The following AP1S3 variants were observed in gnomAD, a reference collection of about 807,000 sequenced individuals.
AP1S3 encodes adaptor related protein complex 1 subunit sigma 3.
Under a neutral mutation model 20.9 loss-of-function variants are expected in AP1S3, and 10 were observed. The observed-to-expected ratio is 0.48, with a 90% CI of 0.29 to 0.81. The LOEUF (loss-of-function observed/expected upper bound fraction) is 0.81. AP1S3 is among the 30% of genes least tolerant of loss of function. The probability of loss-of-function intolerance (pLI) is 0.08; values close to 1 mark genes in which losing one functional copy is unlikely to be tolerated. For missense variants in AP1S3, 154 were observed against 183.8 expected (o/e 0.84, Z 0.94); for synonymous variants, 41 against 61.5 (o/e 0.67, Z 1.56).
chr2:223,804,606 C>A (rs1056977979), intron 1 of AP1S3, among the ~76,000 whole-genome samples: 2 of 151,816 alleles, frequency 1.3e-5, no homozygotes, highest in Non-Finnish European at 2.9e-5. Flanking sequence ...ACTCAGGAGT[C>A]TAAGGCAGGA....
intron 1 of AP1S3, among the ~76,000 whole-genome samples, chr2:223,799,208 G>GACACACACACACACAC (rs10527751): frequency 5.5e-5 from 8 of 145,896 alleles, no homozygotes; most frequent in East Asian, 4.1e-4. Context: ...TTCGGGCCTA[G>GACACACACACACACAC]ACACACACAC....
At chr2:223,805,336 G>A (rs1420843006) in intron 1 of AP1S3, among the ~76,000 whole-genome samples, 4 of 152,116 alleles carry the variant, frequency 2.6e-5, no homozygotes, top group Non-Finnish European at 4.4e-5. Flanking sequence ...CTGGCTACTC[G>A]GGAGCCAGAG....
At chr2:223,833,882 T>TTTTATTTATTTATTTATTTA (rs71408596) in intron 1 of AP1S3, among the ~76,000 whole-genome samples, 8 of 145,940 alleles carry the variant, frequency 5.5e-5, no homozygotes, top group African/African-American at 1.5e-4. Context: ...TTTACACTCT[T>TTTTATTTATTTATTTATTTA]TTTATTTATT....
chr2:223,758,837 T>C, intron 4 of AP1S3, 87 bp from the exon 5 acceptor site: 1 of 1,181,880 alleles, frequency 8.5e-7, no homozygotes, highest in Non-Finnish European at 1.2e-6. Flanking sequence ...CTTTTATTTA[T>C]TTGCCATTGT....
chr2:223,776,969 C>T lies in AP1S3; in HGVS notation c.182+722G>A, dbSNP rs1468468411. Among the ~76,000 whole-genome samples, 3 of 152,232 alleles carry T rather than the reference C, an allele frequency of 2.0e-5. No individual in the cohort carries two copies. In the South Asian group the frequency reaches 6.2e-4, roughly 31 times the overall value. ...AACACATCCCCATCTCTCTGTCATA[C>T]TAACCTCCAGTTTTTCCAAAGCACT... On this transcript the variant is annotated intron_variant, in intron 2 of 4. Transcript: ENST00000396654.
intron 1 of AP1S3, among the ~76,000 whole-genome samples, chr2:223,803,495 C>T (rs183339390): frequency 2.0e-5 from 3 of 152,052 alleles, no homozygotes; most frequent in African/African-American, 4.8e-5. Context: ...ATGTACTCAA[C>T]GAAAATTGTT....
In AP1S3 at chr2:223,775,988, GC is replaced by G; in HGVS notation, c.203del (p.Cys68SerfsTer4). 1.2e-6 allele frequency: 2 copies of G among 1,613,716 alleles called. No individual in the cohort carries two copies. The highest frequency in any genetic ancestry group is 1.7e-6 in the Non-Finnish European group (2 of 1,179,774). On this transcript the variant is annotated frameshift_variant, in exon 3 of 5. Transcript: ENST00000396654. LOFTEE classifies it high-confidence loss of function. ...VYKRYASLYF[C>X]CAIENQDNEL... Reference sequence around the variant, plus strand: ...CATTGTCCTGATTTTCTATTGCACAGCAAAAATATAAACTAGCATACCTTGA... The same window carrying G: ...CATTGTCCTGATTTTCTATTGCACAGAAAAATATAAACTAGCATACCTTGA...
chr2:223,758,680 A>C lies in AP1S3; in HGVS notation c.*35T>G. ...GGCGTTGCTTATTTACAGCTTCATA[A>C]CATGTAGTGCTGGAGTCTTCAAGTA... On this transcript the variant is annotated 3_prime_UTR_variant, in exon 5 of 5. Transcript: ENST00000396654. The C allele has an allele frequency of 6.4e-7, 1 of 1,572,800 alleles. No individual in the cohort carries two copies. The highest frequency in any genetic ancestry group is 8.6e-7 in the Non-Finnish European group (1 of 1,161,782).
chr2:223,768,068 T>A (rs550282223), intron 3 of AP1S3, among the ~76,000 whole-genome samples: 1 of 152,296 alleles, frequency 6.6e-6, no homozygotes, highest in African/African-American at 2.4e-5. Flanking sequence ...AAAATGCTGA[T>A]CTTGTGCCTC....
intron 1 of AP1S3, among the ~76,000 whole-genome samples, chr2:223,807,250 G>C (rs577815908): frequency 6.6e-6 from 1 of 152,156 alleles, no homozygotes; most frequent in Non-Finnish European, 1.5e-5. Flanking sequence ...CTGGGTGACA[G>C]AGTAAGACCC....
rs569013948 is a variant in AP1S3 at position 223,806,019 on chromosome 2, C to T, written c.4-28150G>A. Among the ~76,000 whole-genome samples the T allele has an allele frequency of 5.9e-5, 9 of 152,226 alleles. No individual in the cohort carries two copies. The South Asian group carries it at 1.7e-3, about 28-fold the overall frequency. On this transcript the variant is annotated intron_variant, in intron 1 of 4. Coordinates refer to ENST00000396654, the MANE Select transcript of AP1S3 (RefSeq NM_001039569.2). ...CAAAGAGAAAGAGAACTAAAAAGAA[C>T]ATCAGACTCTCAACTTCTAGAAAAA...
At chr2:223,833,867 A>T (rs980547134) in intron 1 of AP1S3, among the ~76,000 whole-genome samples, 1 of 150,728 alleles carries the variant, frequency 6.6e-6, no homozygotes, top group Non-Finnish European at 1.5e-5. Context: ...AACTTTTTGG[A>T]TGCCTTTACA....
At chr2:223,768,732 G>A (rs1160633174) in intron 3 of AP1S3, among the ~76,000 whole-genome samples, 1 of 152,096 alleles carries the variant, frequency 6.6e-6, no homozygotes, top group African/African-American at 2.4e-5. Context: ...GTGCACGACT[G>A]TAATCCCAGC....
chr2:223,765,501 G>T, intron 3 of AP1S3, 151 bp from the exon 4 acceptor site: 1 of 754,238 alleles, frequency 1.3e-6, no homozygotes, highest in Non-Finnish European at 2.1e-6. Context: ...AAAAGAACAG[G>T]GAATGTCAGG....
intron 1 of AP1S3, among the ~76,000 whole-genome samples, chr2:223,813,670 C>G (rs115042452): frequency 5.4e-4 from 82 of 152,326 alleles, no homozygotes; most frequent in Middle Eastern, 3.4e-3. Context: ...CACAGCCCCT[C>G]TATCCCTTCA....
chr2:223,810,022 G>C (rs867244865), intron 1 of AP1S3, among the ~76,000 whole-genome samples: 1 of 151,794 alleles, frequency 6.6e-6, no homozygotes, highest in African/African-American at 2.4e-5. Flanking sequence ...CACCGTGCCC[G>C]GCCTATTTTA....
intron 1 of AP1S3, among the ~76,000 whole-genome samples, chr2:223,820,925 A>G (rs778063620): frequency 5.3e-5 from 8 of 152,074 alleles, no homozygotes; most frequent in Non-Finnish European, 1.0e-4. Flanking sequence ...CTTCCCCATC[A>G]TGCCTGAAAT....
intron 1 of AP1S3, among the ~76,000 whole-genome samples, chr2:223,819,396 A>G (rs1559144570): frequency 6.6e-6 from 1 of 152,138 alleles, no homozygotes; most frequent in East Asian, 1.9e-4. Flanking sequence ...GAAAAAGCAC[A>G]CTCTGTTTGC....
chr2:223,827,318 T>C (rs1334389967), intron 1 of AP1S3, among the ~76,000 whole-genome samples: 1 of 152,178 alleles, frequency 6.6e-6, no homozygotes, highest in Non-Finnish European at 1.5e-5. Context: ...TGAATCATAC[T>C]TTAAAAAAAA....
Sources: gnomAD v4.1 joint callset for allele counts (sites outside exome capture counted in the v4.1 genomes callset) on GRCh38, gnomAD v4.1.1 for gene constraint, MANE v1.5 for transcripts, NCBI Gene and HGNC (gene_info 2026-07-23, HGNC 2026-07-21) for gene names.